C1GALT1: variants seen among roughly 807,000 people sequenced by gnomAD.
The protein encoded by C1GALT1 is glycoprotein-N-acetylgalactosamine 3-beta-galactosyltransferase 1.
A neutral mutation model predicts 31.0 loss-of-function variants in C1GALT1; 11 were observed. That is an observed-to-expected ratio of 0.36 (90% confidence interval 0.22 to 0.59). The LOEUF (loss-of-function observed/expected upper bound fraction) is 0.59, where lower values mean the gene tolerates loss of function less well. C1GALT1 is among the 20% of genes least tolerant of loss of function. The pLI, the probability that C1GALT1 is intolerant of heterozygous loss-of-function variation, is 0.79. For missense variants in C1GALT1, 424 were observed against 425.2 expected, an observed-to-expected ratio of 1.00 and a Z score of 0.03; for synonymous variants, 175 against 143.6, an observed-to-expected ratio of 1.22 and a Z score of -1.56.
chr7:7,184,950 A>T (rs1780746543), intron 1 of C1GALT1, among the ~76,000 whole-genome samples: 1 of 152,258 alleles, frequency 6.6e-6, no homozygotes, highest in South Asian at 2.1e-4. Context: ...GACTTGTTCC[A>T]TAAAATGAGA....
Position 7,238,362 on chromosome 7 carries a change from A to T in C1GALT1, c.328A>T (p.Thr110Ser). The change falls in exon 3 of 4, where the codon ACT becomes TCT. Residue 110 changes from threonine to serine, a missense_variant. Thr to Ser is a moderately conservative substitution (Grantham distance 58). Transcript: ENST00000436587. The surrounding 1 kb of genome is among the most constrained non-coding windows in gnomAD (Gnocchi z 5.2). ...LEKKAKHVKATWAQRCNKVLF... is the reference protein window; with the variant it reads ...LEKKAKHVKASWAQRCNKVLF... ...GAAAAAGGCCAAACACGTCAAAGCT[A>T]CTTGGGCCCAGCGTTGTAACAAAGT... 2 of 1,614,134 alleles carry T rather than the reference A, an allele frequency of 1.2e-6. No individual in the cohort carries two copies. The highest frequency in any genetic ancestry group is 1.7e-6 in the Non-Finnish European group (2 of 1,179,988).
intron 1 of C1GALT1, among the ~76,000 whole-genome samples, chr7:7,219,764 C>CT (rs1394843224): frequency 1.3e-5 from 2 of 151,848 alleles, no homozygotes; most frequent in Non-Finnish European, 2.9e-5. Context: ...TTCTTCTAGT[C>CT]TTTTTTTAGT....
At chr7:7,217,998 C>T (rs1782326288) in intron 1 of C1GALT1, among the ~76,000 whole-genome samples, 1 of 152,102 alleles carries the variant, frequency 6.6e-6, no homozygotes, top group Admixed American at 6.5e-5. Context: ...CCCATAGCTG[C>T]CATTTGCGGG....
intron 2 of C1GALT1, among the ~76,000 whole-genome samples, chr7:7,175,256 G>A (rs1330741994): frequency 6.6e-6 from 1 of 152,232 alleles, no homozygotes; most frequent in African/African-American, 2.4e-5. Context: ...TGTTCAGCTA[G>A]TGTTTTGGCA....
At chr7:7,190,322 C>T (rs376620638) in intron 1 of C1GALT1, among the ~76,000 whole-genome samples, 5 of 151,674 alleles carry the variant, frequency 3.3e-5, no homozygotes, top group South Asian at 2.1e-4. Flanking sequence ...ACTACAAAAT[C>T]GCGATACATG....
In C1GALT1 at chr7:7,245,085, C is replaced by T. The variant is rs1240984330; in HGVS notation, c.*1358C>T. The T allele has an allele frequency of 6.6e-6, 1 of 152,196 alleles. No homozygotes were observed. Among genetic ancestry groups the T allele is most frequent in the Non-Finnish European group, 1.5e-5 (1 of 68,030 alleles). 9.4% of individuals were successfully genotyped at this position (152,196 alleles called of 1,614,324 possible). ...TTTATTTTTATTATCTTTAGCAGTACTGAGTGTCATAGCAGAATATTTTAC... is the reference window on the plus strand; with the variant it reads ...TTTATTTTTATTATCTTTAGCAGTATTGAGTGTCATAGCAGAATATTTTAC... On this transcript the variant is annotated 3_prime_UTR_variant, in exon 4 of 4. Coordinates refer to ENST00000436587, the MANE Select transcript of C1GALT1 (RefSeq NM_020156.5).
intron 1 of C1GALT1, among the ~76,000 whole-genome samples, chr7:7,226,219 A>G (rs969285895): frequency 7.6e-6 from 1 of 132,210 alleles, no homozygotes; most frequent in Admixed American, 7.5e-5. Context: ...GGGAAAATAT[A>G]AAGATGTATC....
chr7:7,158,080 C>T (rs1315398487), intron 2 of C1GALT1, among the ~76,000 whole-genome samples: 1 of 152,166 alleles, frequency 6.6e-6, no homozygotes, highest in Non-Finnish European at 1.5e-5. Flanking sequence ...GCCTGTTACC[C>T]TCACATGACC....
chr7:7,174,310 A>T (rs953044398), intron 2 of C1GALT1, among the ~76,000 whole-genome samples: 4 of 152,250 alleles, frequency 2.6e-5, no homozygotes, highest in Admixed American at 2.6e-4. Context: ...GGCAATTATT[A>T]ATAAAGCTGC....
At position 7,226,367 on chromosome 7, in the gene C1GALT1, T is replaced by TA. The variant is rs57103163; in HGVS notation, c.-17-7925dup. On this transcript the variant is annotated intron_variant, in intron 1 of 3. Transcript: ENST00000436587. ...AAATGTGGTATAAAGTGTTAAAATT[T>TA]AAAAAAAAAAATAACTAGAATTTCA... Among the ~76,000 whole-genome samples, 30 of 146,032 alleles carry TA rather than the reference T, an allele frequency of 2.1e-4. 1 individual carries two copies. The highest frequency in any genetic ancestry group is 8.0e-4 in the Admixed American group (11 of 13,722).
At position 7,245,753 on chromosome 7, in the gene C1GALT1, A is replaced by G. The variant is rs979092938; in HGVS notation, c.*2026A>G. Reference sequence around the variant, plus strand: ...ATAAATGGTTTACTATAGATATCCAAAAACCTTGAGATTTGCTCATAGGAA... The same window carrying G: ...ATAAATGGTTTACTATAGATATCCAGAAACCTTGAGATTTGCTCATAGGAA... On this transcript the variant is annotated 3_prime_UTR_variant, in exon 4 of 4. Transcript: ENST00000436587. 3 of 152,222 alleles carry G rather than the reference A, an allele frequency of 2.0e-5. No homozygotes were observed. The South Asian group carries it at 6.2e-4, about 32-fold the overall frequency. The allele number at this position is 152,222 out of a possible 1,614,324, so 9.4% of individuals were successfully genotyped here.
At position 7,203,003 on chromosome 7, in the gene C1GALT1, G is replaced by A. The variant is rs1028242225; in HGVS notation, c.-18+20183G>A. Among the ~76,000 whole-genome samples the A allele has an allele frequency of 6.6e-5, 10 of 150,720 alleles. No homozygotes were observed. In the East Asian group the frequency reaches 1.9e-3, roughly 29 times the overall value. On this transcript the variant is annotated intron_variant, in intron 1 of 3. Coordinates refer to ENST00000436587, the MANE Select transcript of C1GALT1 (RefSeq NM_020156.5). ...GTAAATGGAATTATTACTTCAAGAA[G>A]TGTTCTAGTTAGTGCGTAAAAATGT...
intron 1 of C1GALT1, among the ~76,000 whole-genome samples, chr7:7,203,315 A>G (rs1781598867): frequency 6.6e-6 from 1 of 152,064 alleles, no homozygotes; most frequent in South Asian, 2.1e-4. Context: ...GTCCTTTACC[A>G]TTTGATCTTA....
intron 1 of C1GALT1, among the ~76,000 whole-genome samples, chr7:7,226,069 C>G (rs1441551874): frequency 6.6e-6 from 1 of 152,096 alleles, no homozygotes; most frequent in Non-Finnish European, 1.5e-5. Flanking sequence ...GAAAGGGATA[C>G]TGCTATCGAG....
upstream of C1GALT1, among the ~76,000 whole-genome samples, chr7:7,179,901 T>C (rs1780551442): frequency 6.6e-6 from 1 of 150,944 alleles, no homozygotes; most frequent in South Asian, 2.1e-4. Context: ...ATCAAATGGC[T>C]AAAGCGATAT....
Position 7,243,801 on chromosome 7 carries a change from G to A in C1GALT1, c.*74G>A. On this transcript the variant is annotated 3_prime_UTR_variant, in exon 4 of 4. Transcript: ENST00000436587. ...AAAGGACTTCTGCATTTCTGACATA[G>A]AACACTGGAATCCCAGTGAGGAATT... 9.2e-7 allele frequency: 1 copy of A among 1,090,628 alleles called. No individual in the cohort carries two copies. Among genetic ancestry groups the A allele is most frequent in the Non-Finnish European group, 1.3e-6 (1 of 767,646 alleles). The allele number at this position is 1,090,628 out of a possible 1,614,324, so 67.6% of individuals were successfully genotyped here. A position where few individuals can be genotyped will look rare whatever the true frequency, so the allele number is the denominator to read the frequency against.
At chr7:7,175,310 G>A (rs1478362586) in intron 2 of C1GALT1, among the ~76,000 whole-genome samples, 1 of 152,222 alleles carries the variant, frequency 6.6e-6, no homozygotes, top group East Asian at 1.9e-4. Context: ...TTGCAAAGTG[G>A]CTCTAAGCCA....
chr7:7,201,806 C>T (rs1028831136), intron 1 of C1GALT1, among the ~76,000 whole-genome samples: 4 of 152,194 alleles, frequency 2.6e-5, no homozygotes, highest in East Asian at 1.9e-4. Flanking sequence ...CCCTACCTGC[C>T]GTGGTTTCTT....
intron 1 of C1GALT1, among the ~76,000 whole-genome samples, chr7:7,193,864 T>G (rs1781175853): frequency 6.6e-6 from 1 of 152,202 alleles, no homozygotes; most frequent in Non-Finnish European, 1.5e-5. Context: ...AGCAGTGTTT[T>G]GTAGTTTTTC....
Sources: gnomAD v4.1 joint callset for allele counts (sites outside exome capture counted in the v4.1 genomes callset) on GRCh38, gnomAD v4.1.1 for gene constraint, Gnocchi (gnomAD v3.1) non-coding constraint, MANE v1.5 for transcripts, NCBI Gene and HGNC (gene_info 2026-07-23, HGNC 2026-07-21) for gene names.